The following PPP1R14C variants were observed in gnomAD, a reference collection of about 807,000 sequenced individuals.
The protein encoded by PPP1R14C is protein phosphatase 1 regulatory subunit 14C.
In PPP1R14C, 16 loss-of-function variants were observed where a neutral mutation model predicts 20.4. The ratio of observed to expected loss-of-function variants is 0.78; its 90% CI spans 0.53 to 1.19. The LOEUF (loss-of-function observed/expected upper bound fraction) is 1.19. Among genes scored for constraint, PPP1R14C ranks in the 50% most tolerant of loss-of-function variants. PPP1R14C has a pLI of 0.00. For synonymous variants in PPP1R14C, 91 were observed against 91.0 expected, an observed-to-expected ratio of 1.00 and a Z score of 0.00; for missense variants, 211 against 220.1, an observed-to-expected ratio of 0.96 and a Z score of 0.26.
chr6:150,204,122 C>T (rs533575033), intron 1 of PPP1R14C, among the ~76,000 whole-genome samples: 3 of 152,330 alleles, frequency 2.0e-5, no homozygotes, highest in South Asian at 2.1e-4. Context: ...GGGTGGCGGC[C>T]GCCTGGCCAC....
At chr6:150,162,531 A>AT (rs55645410) in intron 1 of PPP1R14C, among the ~76,000 whole-genome samples, 109,409 of 152,138 alleles carry the variant, frequency 0.72, 39,695 homozygotes, top group East Asian at 0.9. Flanking sequence ...TGATAGCTCC[A>AT]TCTTTTTATG....
intron 1 of PPP1R14C, among the ~76,000 whole-genome samples, chr6:150,202,308 G>A (rs933101255): frequency 6.6e-6 from 1 of 152,174 alleles, no homozygotes; most frequent in Non-Finnish European, 1.5e-5. Flanking sequence ...CGCAGGCTGG[G>A]TCCCACGGAA....
chr6:150,232,280 T>C (rs768343048), intron 3 of PPP1R14C, among the ~76,000 whole-genome samples: 1 of 152,232 alleles, frequency 6.6e-6, no homozygotes, highest in Non-Finnish European at 1.5e-5. Flanking sequence ...TGTTGGTGTT[T>C]TTCTTGTTGA....
At chr6:150,181,115 G>A (rs899594618) in intron 1 of PPP1R14C, among the ~76,000 whole-genome samples, 14 of 152,102 alleles carry the variant, frequency 9.2e-5, no homozygotes, top group African/African-American at 1.9e-4. Context: ...ATTTATCCCC[G>A]CTTTAGTCTG....
rs140494868 is a variant in PPP1R14C at position 150,198,727 on chromosome 6, G to A, written c.307-16017G>A. Reference sequence around the variant, plus strand: ...CCGCTGACATAGTCCGGGCAGCCCCGCTGGCACTTATGCTGCTGAGCTTGG... The same window carrying A: ...CCGCTGACATAGTCCGGGCAGCCCCACTGGCACTTATGCTGCTGAGCTTGG... On this transcript the variant is annotated intron_variant, in intron 1 of 3. Coordinates refer to ENST00000361131, the MANE Select transcript of PPP1R14C (RefSeq NM_030949.3). Among the ~76,000 whole-genome samples the A allele has an allele frequency of 5.4e-4, 82 of 152,336 alleles. No individual in the cohort carries two copies. In the East Asian group the frequency reaches 0.014, roughly 27 times the overall value.
chr6:150,237,782 C>A (rs973599770), intron 3 of PPP1R14C, among the ~76,000 whole-genome samples: 5 of 152,100 alleles, frequency 3.3e-5, no homozygotes, highest in Non-Finnish European at 7.4e-5. Context: ...GGATTTGAAC[C>A]CAAGTCATCT....
chr6:150,155,782 TG>T (rs1409549884), intron 1 of PPP1R14C, among the ~76,000 whole-genome samples: 6 of 151,792 alleles, frequency 4.0e-5, no homozygotes, highest in Admixed American at 3.9e-4. Flanking sequence ...CCCAGCACTT[TG>T]GGAGGCTGAG....
chr6:150,239,751 TAGAAAAC>T (rs2114931136), intron 3 of PPP1R14C, among the ~76,000 whole-genome samples: 1 of 152,078 alleles, frequency 6.6e-6, no homozygotes, highest in South Asian at 2.1e-4. Flanking sequence ...ATCAGTGAAA[TAGAAAAC>T]AGAAAAACAT....
chr6:150,161,035 T>A (rs1777361164), intron 1 of PPP1R14C, among the ~76,000 whole-genome samples: 2 of 152,116 alleles, frequency 1.3e-5, no homozygotes. Flanking sequence ...ATCCCAGCAC[T>A]TTGGGATGCC....
chr6:150,218,833 A>G (rs150764964), intron 3 of PPP1R14C, among the ~76,000 whole-genome samples: 1 of 152,156 alleles, frequency 6.6e-6, no homozygotes, highest in East Asian at 1.9e-4. Context: ...TTATTTTTTT[A>G]TAGAGACTGG....
chr6:150,248,899 A>G lies in PPP1R14C; in HGVS notation c.*79A>G. 1 of 878,116 alleles carries G rather than the reference A, an allele frequency of 1.1e-6. No individual in the cohort carries two copies. The highest frequency in any genetic ancestry group is 1.9e-5 in the South Asian group (1 of 52,374). 54.4% of individuals were successfully genotyped at this position (878,116 alleles called of 1,614,324 possible). ...TACTTCATGAAGACTTTTGTGAAAG[A>G]ATAGGTGTCCTTATGAACAACGTTT... On this transcript the variant is annotated 3_prime_UTR_variant, in exon 4 of 4. Coordinates refer to ENST00000361131, the MANE Select transcript of PPP1R14C (RefSeq NM_030949.3).
rs562301828 is a variant in PPP1R14C, at chr6:150,215,953, G to A, written c.391-871G>A. ...AGCCAAAGGAAAGGTGTGTGCATGC[G>A]CGTGTGCATACAGAGGAGGTAAAAA... is the stretch of plus-strand genomic sequence containing the variant. On this transcript the variant is annotated intron_variant, in intron 2 of 3. Coordinates refer to ENST00000361131, the MANE Select transcript of PPP1R14C (RefSeq NM_030949.3). 4.6e-5 allele frequency among the ~76,000 whole-genome samples: 7 copies of A among 152,302 alleles called. No homozygotes were observed. In the South Asian group the frequency reaches 8.3e-4, roughly 18 times the overall value.
chr6:150,183,998 T>C (rs1056923914), intron 1 of PPP1R14C, among the ~76,000 whole-genome samples: 3 of 152,226 alleles, frequency 2.0e-5, no homozygotes, highest in Non-Finnish European at 4.4e-5. Flanking sequence ...TTCCTATTGA[T>C]GGTAGGTGAG....
intron 1 of PPP1R14C, among the ~76,000 whole-genome samples, chr6:150,200,006 G>A (rs1777856975): frequency 6.6e-6 from 1 of 152,176 alleles, no homozygotes; most frequent in African/African-American, 2.4e-5. Context: ...AGGTAACTCT[G>A]TGTCATTTCC....
intron 3 of PPP1R14C, among the ~76,000 whole-genome samples, chr6:150,237,710 C>G (rs1778379990): frequency 6.6e-6 from 1 of 152,090 alleles, no homozygotes; most frequent in Non-Finnish European, 1.5e-5. Context: ...GTCATTGCTC[C>G]TATTTATAGG....
chr6:150,216,222 A>G (rs4870378), intron 2 of PPP1R14C, among the ~76,000 whole-genome samples: 9,289 of 152,158 alleles, frequency 0.061, 393 homozygotes, highest in East Asian at 0.16. Flanking sequence ...GGGGCTGGGC[A>G]TGGTAGCTCA....
intron 3 of PPP1R14C, among the ~76,000 whole-genome samples, chr6:150,224,923 T>A (rs1778213849): frequency 6.6e-6 from 1 of 152,072 alleles, no homozygotes; most frequent in African/African-American, 2.4e-5. Flanking sequence ...TCCATAGTCC[T>A]GTGATTAGTT....
intron 3 of PPP1R14C, among the ~76,000 whole-genome samples, chr6:150,218,477 C>T (rs1263228029): frequency 9.8e-6 from 1 of 102,478 alleles, no homozygotes. Flanking sequence ...CATCTGAACC[C>T]CCCCCCCCAA....
At position 150,214,812 on chromosome 6, in the gene PPP1R14C, A is replaced by G; in HGVS notation, c.375A>G (p.Arg125=). The change falls in exon 2 of 4, where the codon AGA becomes AGG. Residue 125 remains arginine, a synonymous_variant. Coordinates refer to ENST00000361131, the MANE Select transcript of PPP1R14C (RefSeq NM_030949.3). Reference sequence around the variant, plus strand: ...TTGATGCAGACAGTGATGAAGAGAGAGCTTCAAAATTACAGGTAAGCAGTT... The same window carrying G: ...TTGATGCAGACAGTGATGAAGAGAGGGCTTCAAAATTACAGGTAAGCAGTT... The part of the protein sequence containing the change: ...DLLDADSDEE[R]ASKLQEALVD... 1 of 1,610,592 alleles carries G rather than the reference A, an allele frequency of 6.2e-7. No individual in the cohort carries two copies. Among genetic ancestry groups the G allele is most frequent in the Non-Finnish European group, 8.5e-7 (1 of 1,178,428 alleles).
Sources: allele counts gnomAD v4.1 joint callset (sites outside exome capture counted in the v4.1 genomes callset), GRCh38; gene constraint gnomAD v4.1.1; transcripts MANE v1.5; gene names NCBI Gene and HGNC (gene_info 2026-07-23, HGNC 2026-07-21).